Variants in PPP1R16B observed in about 807,000 individuals in gnomAD.
PPP1R16B encodes the protein protein phosphatase 1 regulatory subunit 16B, also known as protein phosphatase 1 regulatory inhibitor subunit 16B.
Under a neutral mutation model 61.7 loss-of-function variants are expected in PPP1R16B, and 14 were observed. The ratio of observed to expected loss-of-function variants is 0.23; its 90% CI spans 0.15 to 0.35. The LOEUF is 0.35. Ranked by LOEUF, PPP1R16B falls within the 10% of genes least tolerant of loss-of-function variation. The probability of loss-of-function intolerance (pLI) is 1.00; values close to 1 mark genes in which losing one functional copy is unlikely to be tolerated. For missense variants in PPP1R16B, 547 were observed against 752.5 expected, an observed-to-expected ratio of 0.73 and a Z score of 3.19; for synonymous variants, 266 against 305.3, an observed-to-expected ratio of 0.87 and a Z score of 1.34.
At chr20:38,825,425 G>C (rs1377675722) in intron 1 of PPP1R16B, among the ~76,000 whole-genome samples, 1 of 152,212 alleles carries the variant, frequency 6.6e-6, no homozygotes, top group Admixed American at 6.5e-5. Context: ...TTAGTGATCA[G>C]GGAGATAAGG....
At chr20:38,859,885 A>G (rs930692675) in intron 2 of PPP1R16B, among the ~76,000 whole-genome samples, 1 of 152,258 alleles carries the variant, frequency 6.6e-6, no homozygotes, top group African/African-American at 2.4e-5. Flanking sequence ...TTAATCCAAT[A>G]TATCCAAAAT....
intron 1 of PPP1R16B, among the ~76,000 whole-genome samples, chr20:38,815,109 C>A (rs1390344028): frequency 6.6e-6 from 1 of 152,150 alleles, no homozygotes; most frequent in Admixed American, 6.5e-5. Context: ...TTTAATTACA[C>A]AAAGTATATA....
intron 3 of PPP1R16B, among the ~76,000 whole-genome samples, chr20:38,894,697 T>G (rs1203297042): frequency 6.6e-6 from 1 of 152,182 alleles, no homozygotes; most frequent in African/African-American, 2.4e-5. Flanking sequence ...CATCCCGCAG[T>G]CTGTAAAGTG....
At chr20:38,891,795 C>CT (rs1047219343) in intron 3 of PPP1R16B, among the ~76,000 whole-genome samples, 7 of 149,422 alleles carry the variant, frequency 4.7e-5, no homozygotes, top group African/African-American at 1.5e-4. Context: ...GAGTGAGACT[C>CT]TGTCTCAAAA....
intron 2 of PPP1R16B, among the ~76,000 whole-genome samples, chr20:38,885,924 C>A (rs188357009): frequency 3.9e-5 from 6 of 152,036 alleles, no homozygotes; most frequent in African/African-American, 1.4e-4. Flanking sequence ...TACAGGCGTG[C>A]GCCACCACGC....
rs1057483012 is a variant in PPP1R16B at position 38,882,491 on chromosome 20, C to T, written c.251-7104C>T. 5.7e-4 allele frequency among the ~76,000 whole-genome samples: 87 copies of T among 152,306 alleles called. 2 individuals are homozygous for T. Among genetic ancestry groups the T allele is most frequent in the African/African-American group, 5.1e-4 (21 of 41,552 alleles). On this transcript the variant is annotated intron_variant, in intron 2 of 10. Transcript: ENST00000299824. ...GAACTCCTGGCCTTAAGTGATCCTACGGCCTCAGCCTCCCAAAGCATTGGG... is the reference window on the plus strand; with the variant it reads ...GAACTCCTGGCCTTAAGTGATCCTATGGCCTCAGCCTCCCAAAGCATTGGG...
chr20:38,878,350 A>G (rs1389072987), intron 2 of PPP1R16B, among the ~76,000 whole-genome samples: 1 of 152,224 alleles, frequency 6.6e-6, no homozygotes, highest in Middle Eastern at 3.2e-3. Flanking sequence ...GTTTTGGGAC[A>G]GCAGAACAGG....
chr20:38,883,141 C>T (rs188053498), intron 2 of PPP1R16B, among the ~76,000 whole-genome samples: 4 of 152,280 alleles, frequency 2.6e-5, no homozygotes, highest in East Asian at 3.9e-4. Context: ...AGTCACATGG[C>T]GAGGTGGCAG....
At chr20:38,885,531 T>C (rs1010838592) in intron 2 of PPP1R16B, among the ~76,000 whole-genome samples, 1 of 152,224 alleles carries the variant, frequency 6.6e-6, no homozygotes, top group Non-Finnish European at 1.5e-5. Flanking sequence ...GCTGTTCCTA[T>C]TCCTGGCCTT....
chr20:38,854,980 A>G lies in PPP1R16B; in HGVS notation c.250+18805A>G, dbSNP rs570611078. 7.9e-5 allele frequency among the ~76,000 whole-genome samples: 12 copies of G among 152,250 alleles called. No homozygotes were observed. The East Asian group carries it at 2.3e-3, about 29-fold the overall frequency. On this transcript the variant is annotated intron_variant, in intron 2 of 10. Transcript: ENST00000299824. Reference sequence around the variant, plus strand: ...AAGTATTCTTATTGCAGTCATTTACACTTTAGTATGAATGAGTCAGCACTT... The same window carrying G: ...AAGTATTCTTATTGCAGTCATTTACGCTTTAGTATGAATGAGTCAGCACTT...
intron 5 of PPP1R16B, among the ~76,000 whole-genome samples, chr20:38,902,040 A>T (rs1209613155): frequency 6.6e-6 from 1 of 152,150 alleles, no homozygotes; most frequent in Non-Finnish European, 1.5e-5. Flanking sequence ...GGTCTAATGG[A>T]TCTTTTTACG....
At position 38,907,894 on chromosome 20, in the gene PPP1R16B, G is replaced by C. The variant is rs1419864503; in HGVS notation, c.987G>C (p.Lys329Asn). ...DVIMKSQLRH[K>N]SSLSRRTSSA... ...TCATGAAGTCACAGCTGAGGCACAA[G>C]TCATCCTTGAGCCGGAGGACCTCCA... Residue 329 changes from lysine to asparagine, a missense_variant, in exon 9 of 11, where the codon AAG becomes AAC. Physicochemically the swap from Lys to Asn is moderately conservative, Grantham distance 94. Transcript: ENST00000299824. This position sits in a 1 kb window ranked among gnomAD's most constrained non-coding sequence, Gnocchi z 4.5. 6.2e-7 allele frequency: 1 copy of C among 1,614,134 alleles called. No individual in the cohort carries two copies. The highest frequency in any genetic ancestry group is 1.3e-5 in the African/African-American group (1 of 74,954).
At chr20:38,857,026 C>T (rs951562865) in intron 2 of PPP1R16B, among the ~76,000 whole-genome samples, 3 of 152,234 alleles carry the variant, frequency 2.0e-5, no homozygotes, top group Non-Finnish European at 2.9e-5. Context: ...TCCCCACCTA[C>T]GGTGGGCACA....
chr20:38,883,274 G>T (rs2085216187), intron 2 of PPP1R16B, among the ~76,000 whole-genome samples: 2 of 152,254 alleles, frequency 1.3e-5, no homozygotes, highest in Non-Finnish European at 2.9e-5. Context: ...CACGCCTATG[G>T]TCGCATGTTG....
At chr20:38,865,585 C>T (rs2085085278) in intron 2 of PPP1R16B, among the ~76,000 whole-genome samples, 1 of 152,166 alleles carries the variant, frequency 6.6e-6, no homozygotes, top group Admixed American at 6.5e-5. Context: ...GCCGCCGCGC[C>T]CGGCCTGCTG....
intron 2 of PPP1R16B, among the ~76,000 whole-genome samples, chr20:38,865,628 C>T (rs1036438644): frequency 1.3e-5 from 2 of 152,184 alleles, no homozygotes; most frequent in East Asian, 3.9e-4. Flanking sequence ...GTACACCTTC[C>T]ACTCACGTCC....
chr20:38,830,428 C>A (rs956660650), intron 1 of PPP1R16B, among the ~76,000 whole-genome samples: 4 of 152,222 alleles, frequency 2.6e-5, no homozygotes, highest in African/African-American at 9.6e-5. Flanking sequence ...ACGCCATTGT[C>A]ATTAAATTTT....
At chr20:38,815,132 G>T (rs943716600) in intron 1 of PPP1R16B, among the ~76,000 whole-genome samples, 3 of 152,100 alleles carry the variant, frequency 2.0e-5, no homozygotes, top group African/African-American at 7.2e-5. Context: ...TGTATCATAA[G>T]TAAACTTTCC....
At position 38,920,116 on chromosome 20, in the gene PPP1R16B, T is replaced by A. The variant is rs2085581790; in HGVS notation, c.*1450T>A. The A allele has an allele frequency of 6.6e-6, 1 of 152,572 alleles. No homozygotes were observed. The highest frequency in any genetic ancestry group is 2.1e-4 in the South Asian group (1 of 4,824). 9.5% of individuals were successfully genotyped at this position (152,572 alleles called of 1,614,324 possible). A position where few individuals can be genotyped will look rare whatever the true frequency, so the allele number is the denominator to read the frequency against. ...TTGGGTCTTGCCCAGCCCTGCAGTT[T>A]CATAGTCCCAGCCTTCCTGGTGCTG... On this transcript the variant is annotated 3_prime_UTR_variant, in exon 11 of 11. Coordinates refer to ENST00000299824, the MANE Select transcript of PPP1R16B (RefSeq NM_015568.4).
Sources: gnomAD v4.1 joint callset for allele counts (sites outside exome capture counted in the v4.1 genomes callset) on GRCh38, gnomAD v4.1.1 for gene constraint, Gnocchi (gnomAD v3.1) non-coding constraint, MANE v1.5 for transcripts, NCBI Gene and HGNC (gene_info 2026-07-23, HGNC 2026-07-21) for gene names.